SESN1: variants seen among roughly 807,000 people sequenced by gnomAD.
The protein encoded by SESN1 is sestrin 1, also known as sestrin-1.
In SESN1, 30 loss-of-function variants were observed where a neutral mutation model predicts 59.3. That is an observed-to-expected ratio of 0.51 (90% CI 0.38 to 0.69). The LOEUF (loss-of-function observed/expected upper bound fraction) is 0.69. Ranked by LOEUF, SESN1 falls within the 30% of genes least tolerant of loss-of-function variation. The pLI is 0.00. For synonymous variants in SESN1, 197 were observed against 219.9 expected, an observed-to-expected ratio of 0.90 and a Z score of 0.92; for missense variants, 566 against 673.0, an observed-to-expected ratio of 0.84 and a Z score of 1.76.
intron 1 of SESN1, among the ~76,000 whole-genome samples, chr6:109,035,158 AC>A (rs1351420475): frequency 1.3e-5 from 2 of 151,886 alleles, no homozygotes; most frequent in Non-Finnish European, 2.9e-5. Context: ...TTTACCCCCA[AC>A]CACTCTAGGG....
At chr6:109,024,589 A>G (rs1014029699) in intron 1 of SESN1, among the ~76,000 whole-genome samples, 1 of 152,238 alleles carries the variant, frequency 6.6e-6, no homozygotes, top group Admixed American at 6.5e-5. Flanking sequence ...TTATGACTCA[A>G]TAAGTTGAAA....
At chr6:109,025,204 T>C (rs893094114) in intron 1 of SESN1, among the ~76,000 whole-genome samples, 2 of 152,102 alleles carry the variant, frequency 1.3e-5, no homozygotes, top group African/African-American at 4.8e-5. Context: ...TTGCCTGTTT[T>C]AAGGTTTATT....
chr6:109,047,364 C>T (rs866163169), intron 1 of SESN1, among the ~76,000 whole-genome samples: 2,917 of 130,948 alleles, frequency 0.022, 2 homozygotes, highest in African/African-American at 0.045. Flanking sequence ...GCCCCCTGCC[C>T]GGCCAGCCGC....
chr6:109,088,331 A>C (rs371842846), intron 1 of SESN1: 7 of 152,162 alleles, frequency 4.6e-5, no homozygotes, highest in African/African-American at 1.7e-4. Context: ...CAACCTCCAG[A>C]CTTATTATGT....
At chr6:109,012,069 A>G (rs773117129) in intron 1 of SESN1, among the ~76,000 whole-genome samples, 1 of 152,084 alleles carries the variant, frequency 6.6e-6, no homozygotes, top group African/African-American at 2.4e-5. Context: ...GCTCCTCTCA[A>G]CCTCTAGGGC....
chr6:109,065,447 T>C (rs1262928128), intron 1 of SESN1, among the ~76,000 whole-genome samples: 1 of 152,178 alleles, frequency 6.6e-6, no homozygotes, highest in Non-Finnish European at 1.5e-5. Flanking sequence ...AAAATATAAA[T>C]TCACTTGGTT....
At chr6:109,020,607 C>G (rs1167333400) in intron 1 of SESN1, among the ~76,000 whole-genome samples, 1 of 152,034 alleles carries the variant, frequency 6.6e-6, no homozygotes, top group Non-Finnish European at 1.5e-5. Context: ...CTCTTTATTT[C>G]TATCACTCAA....
At chr6:109,009,748 C>T (rs552974654) in intron 1 of SESN1, among the ~76,000 whole-genome samples, 23 of 152,218 alleles carry the variant, frequency 1.5e-4, no homozygotes, top group African/African-American at 4.6e-4. Flanking sequence ...AGGTTCCCCA[C>T]GAACAGCTAA....
At chr6:109,004,617 A>G (rs1004880765) in intron 1 of SESN1, among the ~76,000 whole-genome samples, 1 of 145,188 alleles carries the variant, frequency 6.9e-6, no homozygotes, top group African/African-American at 2.9e-5. Flanking sequence ...TTTTTAGTAG[A>G]GACAGGGTTT....
chr6:109,064,734 G>A (rs1345570934), intron 1 of SESN1, among the ~76,000 whole-genome samples: 2 of 143,480 alleles, frequency 1.4e-5, no homozygotes, highest in African/African-American at 5.2e-5. Context: ...GAGGGAGGGA[G>A]GGAGGGATAG....
intron 5 of SESN1, among the ~76,000 whole-genome samples, chr6:108,997,960 AGG>A (rs1287886807): frequency 2.0e-5 from 3 of 152,224 alleles, no homozygotes; most frequent in Admixed American, 6.5e-5. Flanking sequence ...GAAGGAATAG[AGG>A]TGAAAGCATT....
rs370081186 is a variant in SESN1, at chr6:109,000,572, A to C, written c.648T>G (p.Ala216=). The C allele has an allele frequency of 2.5e-6, 4 of 1,612,424 alleles. No individual in the cohort carries two copies. Among genetic ancestry groups the C allele is most frequent in the African/African-American group, 2.7e-5 (2 of 74,980 alleles). Residue 216 remains alanine, a synonymous_variant, in exon 4 of 10, where the codon GCT becomes GCG. Transcript: ENST00000436639. ...CTCCTAAATTCTGTAGTTTTTGAGG[A>C]GCATTCTCTAAACCATTGAGCCACT... ...DPKWLNGLEN[A]PQKLQNLGEL...
intron 1 of SESN1, among the ~76,000 whole-genome samples, chr6:109,050,986 C>T (rs999307423): frequency 1.3e-5 from 2 of 152,148 alleles, no homozygotes; most frequent in Non-Finnish European, 2.9e-5. Context: ...TAAAGTTGTT[C>T]AATTAGCATG....
Position 108,987,449 on chromosome 6 carries a change from ATT to A in SESN1, c.*93_*94del. On this transcript the variant is annotated 3_prime_UTR_variant, in exon 10 of 10. Transcript: ENST00000436639. ...TCATGGCACAATGGATTTCTGAATT[ATT>A]TTGTCTACCATTGGTCCTGGGGCTT... 1 of 601,002 alleles carries A rather than the reference ATT, an allele frequency of 1.7e-6. No homozygotes were observed. Among genetic ancestry groups the A allele is most frequent in the Admixed American group, 2.8e-5 (1 of 35,266 alleles). 37.2% of individuals were successfully genotyped at this position (601,002 alleles called of 1,614,324 possible).
intron 1 of SESN1, among the ~76,000 whole-genome samples, chr6:109,015,635 T>C (rs1583273303): frequency 6.6e-6 from 1 of 152,110 alleles, no homozygotes; most frequent in Admixed American, 6.5e-5. Context: ...AAGGAATGGG[T>C]TTAATTTGGA....
intron 1 of SESN1, among the ~76,000 whole-genome samples, chr6:109,007,574 T>C (rs926392716): frequency 2.0e-5 from 3 of 152,182 alleles, no homozygotes; most frequent in East Asian, 1.9e-4. Context: ...AGATATGTTA[T>C]ATAAAAAGTG....
chr6:109,094,138 A>G lies in SESN1; in HGVS notation c.-65T>C, dbSNP rs1293813382. Reference sequence around the variant, plus strand: ...GCATGCCCCAAAAAAATTGCTTTGTATTTTTAAAATGAAAAATGTAAAAAT... The same window carrying G: ...GCATGCCCCAAAAAAATTGCTTTGTGTTTTTAAAATGAAAAATGTAAAAAT... On this transcript the variant is annotated 5_prime_UTR_variant, in exon 1 of 10. Coordinates refer to ENST00000436639, the MANE Select transcript of SESN1 (RefSeq NM_014454.3). 3.4e-6 allele frequency: 5 copies of G among 1,470,160 alleles called. No homozygotes were observed. Among genetic ancestry groups the G allele is most frequent in the African/African-American group, 1.4e-5 (1 of 70,560 alleles). The allele number at this position is 1,470,160 out of a possible 1,614,324, so 91.1% of individuals were successfully genotyped here. A position where few individuals can be genotyped will look rare whatever the true frequency, so the allele number is the denominator to read the frequency against.
chr6:109,089,505 ACATAG>A (rs1171776183), intron 1 of SESN1, among the ~76,000 whole-genome samples: 1 of 152,196 alleles, frequency 6.6e-6, no homozygotes, highest in African/African-American at 2.4e-5. Context: ...GGAGAAGAAG[ACATAG>A]CAGTGACAGA....
intron 1 of SESN1, among the ~76,000 whole-genome samples, chr6:109,078,701 G>A (rs1022157550): frequency 3.9e-5 from 6 of 151,958 alleles, no homozygotes; most frequent in African/African-American, 1.5e-4. Context: ...GTTTTCTTTT[G>A]TTTTTACATC....
Sources: allele counts gnomAD v4.1 joint callset (sites outside exome capture counted in the v4.1 genomes callset), GRCh38; gene constraint gnomAD v4.1.1; transcripts MANE v1.5; gene names NCBI Gene and HGNC (gene_info 2026-07-23, HGNC 2026-07-21).